The following R3HDM1 variants were observed in gnomAD, a reference collection of about 807,000 sequenced individuals.
The protein encoded by R3HDM1 is R3H domain containing 1.
In R3HDM1, 46 loss-of-function variants were observed where a neutral mutation model predicts 141.1. That is an observed-to-expected ratio of 0.33 (90% CI 0.26 to 0.42). R3HDM1 has a LOEUF of 0.42. Among genes scored for constraint, R3HDM1 ranks in the 10% least tolerant of loss-of-function variants. The pLI is 1.00. For synonymous variants in R3HDM1, 435 were observed against 472.9 expected, an observed-to-expected ratio of 0.92 and a Z score of 1.04; for missense variants, 1,184 against 1,368.3, an observed-to-expected ratio of 0.87 and a Z score of 2.12.
At chr2:135,622,490 ACAT>A in intron 6 of R3HDM1, 161 bp from the exon 7 acceptor site, 1 of 984,554 alleles carries the variant, frequency 1.0e-6, no homozygotes, top group Non-Finnish European at 1.2e-6. Flanking sequence ...GGGAATAGAA[ACAT>A]CGTGGTCACC....
intron 21 of R3HDM1, among the ~76,000 whole-genome samples, chr2:135,685,687 A>G (rs536388401): frequency 6.6e-6 from 1 of 152,306 alleles, no homozygotes; most frequent in Admixed American, 6.5e-5. Flanking sequence ...ATCTGATACC[A>G]GGGAATATGC....
At chr2:135,717,138 C>G (rs1038579095) in intron 24 of R3HDM1, among the ~76,000 whole-genome samples, 3 of 152,032 alleles carry the variant, frequency 2.0e-5, no homozygotes, top group African/African-American at 7.2e-5. Flanking sequence ...CACTTCACAC[C>G]CATTAGAATG....
intron 14 of R3HDM1, 26 bp from the exon 15 acceptor site, chr2:135,641,510 C>T (rs747745506): frequency 2.6e-6 from 4 of 1,563,662 alleles, no homozygotes; most frequent in Non-Finnish European, 3.4e-6. Context: ...TTAAAAAATC[C>T]ATATTTTTCA....
At chr2:135,544,822 G>A (rs2104907258) in intron 1 of R3HDM1, among the ~76,000 whole-genome samples, 1 of 152,172 alleles carries the variant, frequency 6.6e-6, no homozygotes. Flanking sequence ...AAATTAGCTA[G>A]GCATGGTGGT....
chr2:135,683,919 G>A (rs1559428186), intron 21 of R3HDM1, among the ~76,000 whole-genome samples: 2 of 151,620 alleles, frequency 1.3e-5, no homozygotes, highest in Non-Finnish European at 2.9e-5. Flanking sequence ...GCTGGGCATG[G>A]TGGCCAGGTA....
intron 18 of R3HDM1, chr2:135,656,654 A>C (rs2065932360): frequency 6.6e-6 from 1 of 152,180 alleles, no homozygotes; most frequent in African/African-American, 2.4e-5. Flanking sequence ...ACTTCAAGTT[A>C]ATATTGAAAT....
At chr2:135,595,136 A>G (rs56322449) in intron 1 of R3HDM1, among the ~76,000 whole-genome samples, 1 of 152,164 alleles carries the variant, frequency 6.6e-6, no homozygotes, top group Non-Finnish European at 1.5e-5. Flanking sequence ...AGATTTCTCC[A>G]CCTGAATGTC....
intron 19 of R3HDM1, chr2:135,667,351 A>G (rs1249485680): frequency 1.9e-6 from 1 of 528,358 alleles, no homozygotes; most frequent in African/African-American, 2.1e-5. Context: ...ATGGGATAAT[A>G]TTGCAACAGT....
intron 1 of R3HDM1, among the ~76,000 whole-genome samples, chr2:135,552,411 G>A (rs2104931892): frequency 6.6e-6 from 1 of 152,070 alleles, no homozygotes; most frequent in African/African-American, 2.4e-5. Context: ...GGACAGGCTG[G>A]TCTCGAACTC....
intron 21 of R3HDM1, among the ~76,000 whole-genome samples, chr2:135,697,394 C>A (rs1245090625): frequency 6.6e-6 from 1 of 152,104 alleles, no homozygotes; most frequent in African/African-American, 2.4e-5. Context: ...CTGGCTCTTG[C>A]AGAAAAAGTT....
intron 1 of R3HDM1, among the ~76,000 whole-genome samples, chr2:135,550,645 C>T (rs1699662824): frequency 6.6e-6 from 1 of 152,168 alleles, no homozygotes; most frequent in Non-Finnish European, 1.5e-5. Context: ...TAAATTGTTT[C>T]CATCATCAAA....
chr2:135,564,941 A>G (rs1702444045), intron 1 of R3HDM1, among the ~76,000 whole-genome samples: 1 of 152,214 alleles, frequency 6.6e-6, no homozygotes, highest in Admixed American at 6.5e-5. Flanking sequence ...ATCAGATCAT[A>G]CTGTACATAC....
intron 7 of R3HDM1, among the ~76,000 whole-genome samples, chr2:135,623,952 G>C (rs1191547374): frequency 3.9e-5 from 6 of 152,188 alleles, no homozygotes; most frequent in African/African-American, 1.4e-4. Flanking sequence ...CCTGAATCTT[G>C]AATTAAGAGT....
At chr2:135,549,346 G>A (rs1367849961) in intron 1 of R3HDM1, among the ~76,000 whole-genome samples, 1 of 151,868 alleles carries the variant, frequency 6.6e-6, no homozygotes, top group East Asian at 1.9e-4. Flanking sequence ...CCTGAAGTCA[G>A]GAGTTCTAGA....
chr2:135,638,515 C>T, intron 11 of R3HDM1, 103 bp from the exon 12 acceptor site: 2 of 1,209,600 alleles, frequency 1.7e-6, no homozygotes. Context: ...CCATTTTTAA[C>T]TTACATTATT....
chr2:135,630,208 C>T (rs192896012), intron 7 of R3HDM1, among the ~76,000 whole-genome samples: 96 of 127,144 alleles, frequency 7.6e-4, no homozygotes, highest in African/African-American at 2.7e-3. Flanking sequence ...ACCTGAGAGG[C>T]GGAGGTAGTA....
chr2:135,656,956 G>A (rs185983241), intron 18 of R3HDM1, among the ~76,000 whole-genome samples: 4 of 151,346 alleles, frequency 2.6e-5, no homozygotes, highest in African/African-American at 4.9e-5. Flanking sequence ...AAAATTAGCC[G>A]GACCTGGTGG....
intron 1 of R3HDM1, among the ~76,000 whole-genome samples, chr2:135,577,483 G>A (rs1473320298): frequency 1.4e-5 from 2 of 147,342 alleles, no homozygotes; most frequent in Non-Finnish European, 3.0e-5. Flanking sequence ...GAAAAAATGG[G>A]GAAAAGACAT....
chr2:135,639,728 T>A (rs1304699410), intron 14 of R3HDM1, among the ~76,000 whole-genome samples: 1 of 152,210 alleles, frequency 6.6e-6, no homozygotes, highest in Non-Finnish European at 1.5e-5. Flanking sequence ...GCTTCAATAC[T>A]AAAGAAGCTC....
Sources: gnomAD v4.1 joint callset for allele counts (sites outside exome capture counted in the v4.1 genomes callset) on GRCh38, gnomAD v4.1.1 for gene constraint, MANE v1.5 for transcripts, NCBI Gene and HGNC (gene_info 2026-07-23, HGNC 2026-07-21) for gene names.